TENM4: variants seen among roughly 807,000 people sequenced by gnomAD.
TENM4 encodes the protein teneurin-4.
A neutral mutation model predicts 243.3 loss-of-function variants in TENM4; 82 were observed. The ratio of observed to expected loss-of-function variants is 0.34; its 90% confidence interval spans 0.28 to 0.40. The LOEUF is 0.40. TENM4 is among the 10% of genes least tolerant of loss of function. The pLI, the probability that TENM4 is intolerant of heterozygous loss-of-function variation, is 1.00. For missense variants in TENM4, 3,138 were observed against 3,673.3 expected (o/e 0.85, Z 3.77); for synonymous variants, 1,412 against 1,456.3 (o/e 0.97, Z 0.69).
intron 6 of TENM4, among the ~76,000 whole-genome samples, chr11:78,920,510 C>T (rs1285658567): frequency 6.6e-6 from 1 of 152,210 alleles, no homozygotes; most frequent in Non-Finnish European, 1.5e-5. Flanking sequence ...AACAGTAACA[C>T]AGCCTGCAGC....
At chr11:79,028,278 T>G (rs944565672) in intron 6 of TENM4, among the ~76,000 whole-genome samples, 83 of 152,352 alleles carry the variant, frequency 5.4e-4, no homozygotes, top group African/African-American at 1.9e-3. Flanking sequence ...TATTTTCCAC[T>G]GTTTAATGCT....
intron 6 of TENM4, among the ~76,000 whole-genome samples, chr11:79,033,942 C>G (rs1328241320): frequency 6.6e-6 from 1 of 152,114 alleles, no homozygotes; most frequent in Admixed American, 6.5e-5. Flanking sequence ...CTAGGGCTTA[C>G]CACAATCATT....
At chr11:79,139,771 A>C (rs1160172770) in intron 4 of TENM4, among the ~76,000 whole-genome samples, 2 of 25,642 alleles carry the variant, frequency 7.8e-5, no homozygotes, top group Admixed American at 4.9e-4. Flanking sequence ...ATTTATATAA[A>C]TATATAATAT....
At chr11:79,229,498 C>T (rs1330431099) in intron 2 of TENM4, among the ~76,000 whole-genome samples, 1 of 152,214 alleles carries the variant, frequency 6.6e-6, no homozygotes, top group Non-Finnish European at 1.5e-5. Flanking sequence ...AAACTCCCCT[C>T]AGAAGTCAGA....
intron 6 of TENM4, chr11:79,014,891 C>G (rs1011855378): frequency 6.6e-6 from 1 of 152,318 alleles, no homozygotes; most frequent in Admixed American, 6.5e-5. Context: ...GGGATTAATG[C>G]TCTCCTGCCT....
intron 3 of TENM4, among the ~76,000 whole-genome samples, chr11:79,212,727 C>T (rs931381408): frequency 6.6e-6 from 1 of 152,126 alleles, no homozygotes; most frequent in African/African-American, 2.4e-5. Context: ...TGGAAACATC[C>T]TTTTAAATCA....
At position 78,805,277 on chromosome 11, in the gene TENM4, T is replaced by TGCCCCCC; in HGVS notation, c.2179+14_2179+15insGGGGGGC. 1.3e-4 allele frequency: 177 copies of TGCCCCCC among 1,402,354 alleles called. No individual in the cohort carries two copies. The highest frequency in any genetic ancestry group is 2.1e-4 in the Middle Eastern group (1 of 4,800). The allele number at this position is 1,402,354 out of a possible 1,614,324, so 86.9% of individuals were successfully genotyped here. On this transcript the variant is annotated intron_variant, in intron 15 of 33. Coordinates refer to ENST00000278550, the MANE Select transcript of TENM4 (RefSeq NM_001098816.3). ...CCCCTCCCTCTACCCATGCTTCTTC[T>TGCCCCCC]CCCCCTGCATTTACCGATAGAACAG...
At chr11:79,294,089 G>C (rs148094427) in intron 2 of TENM4, among the ~76,000 whole-genome samples, 1 of 152,284 alleles carries the variant, frequency 6.6e-6, no homozygotes, top group East Asian at 1.9e-4. Context: ...TCCTAGTCCT[G>C]TCTTTAATGC....
At chr11:79,221,007 T>C (rs1294752865) in intron 2 of TENM4, 1 of 152,248 alleles carries the variant, frequency 6.6e-6, no homozygotes, top group African/African-American at 2.4e-5. Context: ...AGCTTTGGTT[T>C]CTAATCCAAG....
chr11:78,987,199 T>C (rs1374294553), intron 6 of TENM4, among the ~76,000 whole-genome samples: 1 of 152,198 alleles, frequency 6.6e-6, no homozygotes, highest in Non-Finnish European at 1.5e-5. Flanking sequence ...ACAGTGATGT[T>C]CATAGCAGCT....
At chr11:79,412,833 C>T (rs774116470) in intron 1 of TENM4, among the ~76,000 whole-genome samples, 3 of 152,176 alleles carry the variant, frequency 2.0e-5, no homozygotes, top group Non-Finnish European at 4.4e-5. Flanking sequence ...TCTTACAACT[C>T]TGGATCACTG....
At chr11:78,691,261 C>G (rs898265855) in intron 28 of TENM4, among the ~76,000 whole-genome samples, 9 of 152,230 alleles carry the variant, frequency 5.9e-5, no homozygotes, top group African/African-American at 1.9e-4. Context: ...CTGCCACCTG[C>G]CAGCAGCGTG....
At chr11:78,905,882 C>T (rs1235691546) in intron 6 of TENM4, among the ~76,000 whole-genome samples, 1 of 152,242 alleles carries the variant, frequency 6.6e-6, no homozygotes, top group East Asian at 1.9e-4. Context: ...TTTTGTCCAG[C>T]TGTCCTCAGG....
At chr11:78,727,453 T>C (rs543232083) in intron 22 of TENM4, among the ~76,000 whole-genome samples, 19 of 151,248 alleles carry the variant, frequency 1.3e-4, no homozygotes, top group Non-Finnish European at 2.7e-4. Context: ...AAAAAAGAAA[T>C]TATGTATGAA....
At chr11:79,098,230 C>A (rs924888552) in intron 4 of TENM4, among the ~76,000 whole-genome samples, 6 of 140,258 alleles carry the variant, frequency 4.3e-5, no homozygotes, top group Admixed American at 1.4e-4. Context: ...CACCCCCCCC[C>A]ATCTCCCAGC....
At chr11:79,127,381 T>G (rs138035578) in intron 4 of TENM4, among the ~76,000 whole-genome samples, 1,603 of 150,286 alleles carry the variant, frequency 0.011, 23 homozygotes, top group African/African-American at 0.036. Flanking sequence ...TGGAGAATAA[T>G]AGTGGATTAT....
intron 6 of TENM4, among the ~76,000 whole-genome samples, chr11:79,000,662 TA>T (rs1858296529): frequency 6.6e-6 from 1 of 152,100 alleles, no homozygotes; most frequent in African/African-American, 2.4e-5. Flanking sequence ...CAATGCTACA[TA>T]AAAACTTTAT....
chr11:78,807,001 C>A (rs377317972), intron 14 of TENM4, among the ~76,000 whole-genome samples: 1 of 152,198 alleles, frequency 6.6e-6, no homozygotes, highest in African/African-American at 2.4e-5. Context: ...CTTCAAGGTT[C>A]ATCCATGTTG....
At chr11:79,158,988 G>A (rs1565228417) in intron 3 of TENM4, among the ~76,000 whole-genome samples, 2 of 152,148 alleles carry the variant, frequency 1.3e-5, no homozygotes. Flanking sequence ...CCTGTTCTTC[G>A]CAGCCAATAT....
Sources: allele counts gnomAD v4.1 joint callset (sites outside exome capture counted in the v4.1 genomes callset), GRCh38; gene constraint gnomAD v4.1.1; transcripts MANE v1.5; gene names NCBI Gene and HGNC (gene_info 2026-07-23, HGNC 2026-07-21).